IL5RA: variants seen among roughly 807,000 people sequenced by gnomAD.
The protein encoded by IL5RA is interleukin 5 receptor subunit alpha.
A neutral mutation model predicts 50.0 loss-of-function variants in IL5RA; 49 were observed. The ratio of observed to expected loss-of-function variants is 0.98; its 90% CI spans 0.78 to 1.24. IL5RA has a LOEUF of 1.24. IL5RA is among the 50% of genes most tolerant of loss of function. The pLI, the probability that IL5RA is intolerant of heterozygous loss-of-function variation, is 0.00. For missense variants in IL5RA, 600 were observed against 500.4 expected, an observed-to-expected ratio of 1.20 and a Z score of -1.90; for synonymous variants, 202 against 174.0, an observed-to-expected ratio of 1.16 and a Z score of -1.26.
At chr3:3,099,870 A>G (rs1575005192) in intron 5 of IL5RA, among the ~76,000 whole-genome samples, 1 of 151,798 alleles carries the variant, frequency 6.6e-6, no homozygotes, top group Non-Finnish European at 1.5e-5. Context: ...GGGTTTCACC[A>G]TGTTGGCCAG....
In IL5RA at chr3:3,067,928, CAGT is replaced by C. The variant is rs1284210763; in HGVS notation, c.*2294_*2296del. 1 of 152,218 alleles carries C rather than the reference CAGT, an allele frequency of 6.6e-6. No homozygotes were observed. The highest frequency in any genetic ancestry group is 1.5e-5 in the Non-Finnish European group (1 of 68,062). The allele number at this position is 152,218 out of a possible 1,614,324, so 9.4% of individuals were successfully genotyped here. On this transcript the variant is annotated 3_prime_UTR_variant, in exon 12 of 12. Coordinates refer to ENST00000446632, the MANE Select transcript of IL5RA (RefSeq NM_175726.4). ...TCTGTTCCTGCCTCCTAAGCAGAGG[CAGT>C]TTCCACAATGCCAACTGTCTGGGTT...
intron 9 of IL5RA, among the ~76,000 whole-genome samples, chr3:3,084,428 T>G (rs1702780448): frequency 6.6e-6 from 1 of 152,224 alleles, no homozygotes; most frequent in Non-Finnish European, 1.5e-5. Flanking sequence ...GGTATGGGTA[T>G]TCCTACCCTT....
At chr3:3,096,278 C>CAAAA (rs1553752099) in intron 7 of IL5RA, among the ~76,000 whole-genome samples, 1 of 108,472 alleles carries the variant, frequency 9.2e-6, no homozygotes, top group East Asian at 2.6e-4. Flanking sequence ...AAATCTGTCT[C>CAAAA]AAAAAAAAAA....
At position 3,067,368 on chromosome 3, in the gene IL5RA, C is replaced by G. The variant is rs564146193; in HGVS notation, c.*2857G>C. ...TTCAGTCTAACCTATATACAAGGTG[C>G]CGTATCAGGGCTGACAGAGGGTTTA... On this transcript the variant is annotated 3_prime_UTR_variant, in exon 12 of 12. Transcript: ENST00000446632. The G allele has an allele frequency of 2.0e-5, 3 of 152,268 alleles. No individual in the cohort carries two copies. The highest frequency in any genetic ancestry group is 4.1e-4 in the South Asian group (2 of 4,822). The allele number at this position is 152,268 out of a possible 1,614,324, so 9.4% of individuals were successfully genotyped here.
At position 3,070,117 on chromosome 3, in the gene IL5RA, A is replaced by G; in HGVS notation, c.*108T>C. On this transcript the variant is annotated 3_prime_UTR_variant, in exon 12 of 12. Transcript: ENST00000446632. ...GGTGTATTGCTTCGCAGGTAAATTG[A>G]GTGTTGCCTAAATTCTGAACACCTC... is the stretch of plus-strand genomic sequence containing the variant. 1 of 699,244 alleles carries G rather than the reference A, an allele frequency of 1.4e-6. No individual in the cohort carries two copies. Among genetic ancestry groups the G allele is most frequent in the Non-Finnish European group, 2.5e-6 (1 of 394,894 alleles). 43.3% of individuals were successfully genotyped at this position (699,244 alleles called of 1,614,324 possible).
At chr3:3,088,527 C>G (rs1702964659) in intron 9 of IL5RA, among the ~76,000 whole-genome samples, 2 of 152,236 alleles carry the variant, frequency 1.3e-5, no homozygotes, top group Admixed American at 6.5e-5. Flanking sequence ...TTTGTCATCT[C>G]TAGCTTATAA....
chr3:3,107,943 T>A (rs894359586), intron 2 of IL5RA, among the ~76,000 whole-genome samples: 1 of 152,188 alleles, frequency 6.6e-6, no homozygotes, highest in Non-Finnish European at 1.5e-5. Flanking sequence ...TTTTCCCAAC[T>A]TATTTTTCTG....
chr3:3,089,600 C>T (rs1367393308), intron 9 of IL5RA, among the ~76,000 whole-genome samples: 1 of 152,008 alleles, frequency 6.6e-6, no homozygotes, highest in African/African-American at 2.4e-5. Flanking sequence ...AGATGGCATC[C>T]ACATGCTTGA....
At chr3:3,101,399 G>A (rs1367043666) in intron 5 of IL5RA, among the ~76,000 whole-genome samples, 3 of 152,180 alleles carry the variant, frequency 2.0e-5, no homozygotes, top group East Asian at 3.8e-4. Context: ...TGTTGTGTGT[G>A]CACTTAAGTG....
In IL5RA at chr3:3,077,356, G is replaced by A. The variant is rs577465812; in HGVS notation, c.995-729C>T. On this transcript the variant is annotated intron_variant, in intron 9 of 11. Coordinates refer to ENST00000446632, the MANE Select transcript of IL5RA (RefSeq NM_175726.4). ...TAGGGTACATGTGCACAACGTGCAG[G>A]TTTGTTACATATGTATAAACGTGCC... 3.3e-5 allele frequency among the ~76,000 whole-genome samples: 5 copies of A among 152,240 alleles called. No individual in the cohort carries two copies. The South Asian group carries it at 1.0e-3, about 32-fold the overall frequency.
chr3:3,087,226 T>C (rs1432189649), intron 9 of IL5RA, among the ~76,000 whole-genome samples: 3 of 152,216 alleles, frequency 2.0e-5, no homozygotes, highest in Middle Eastern at 3.4e-3. Context: ...AATAAAACAA[T>C]TGTTTTTAAT....
At chr3:3,074,715 G>A (rs1413341413) in intron 11 of IL5RA, 67 bp downstream of exon 11, 19 of 900,188 alleles carry the variant, frequency 2.1e-5, no homozygotes, top group South Asian at 1.5e-4. Context: ...ACTAAGAACC[G>A]AATGACAGCT....
intron 2 of IL5RA, chr3:3,105,624 T>TCCTCC (rs1703876921): frequency 7.2e-6 from 1 of 139,754 alleles, no homozygotes; most frequent in African/African-American, 2.7e-5. Flanking sequence ...TTTGTTTTGT[T>TCCTCC]CCCCCCCCCA....
At chr3:3,088,331 C>T (rs1375565721) in intron 9 of IL5RA, among the ~76,000 whole-genome samples, 1 of 152,046 alleles carries the variant, frequency 6.6e-6, no homozygotes, top group East Asian at 1.9e-4. Context: ...GGATGCTAAG[C>T]CCAGAGAGGT....
Position 3,092,842 on chromosome 3 carries a change from G to A in IL5RA, c.856-480C>T, listed in dbSNP as rs953880142. Among the ~76,000 whole-genome samples the A allele has an allele frequency of 1.3e-5, 2 of 152,166 alleles. No individual in the cohort carries two copies. Among genetic ancestry groups the A allele is most frequent in the African/African-American group, 4.8e-5 (2 of 41,444 alleles). On this transcript the variant is annotated intron_variant, in intron 8 of 11. Coordinates refer to ENST00000446632, the MANE Select transcript of IL5RA (RefSeq NM_175726.4). This position sits in a 1 kb window ranked among gnomAD's most constrained non-coding sequence, Gnocchi z 4.2. ...ACCATCCAGCTAGTCCCCTGTACCA[G>A]AGATGTGCTCCTGACACCTGTATCT... is the stretch of plus-strand genomic sequence containing the variant.
rs1041330518 is a variant in IL5RA, at chr3:3,069,574, A to C, written c.*651T>G. ...ATATATTAGCTCTATTATGCTTTTA[A>C]ATTAGTTGGTTTCAAATGATGTATC... On this transcript the variant is annotated 3_prime_UTR_variant, in exon 12 of 12. Transcript: ENST00000446632. 5.9e-5 allele frequency: 9 copies of C among 151,346 alleles called. No homozygotes were observed. The highest frequency in any genetic ancestry group is 2.2e-4 in the African/African-American group (9 of 41,050). The allele number at this position is 151,346 out of a possible 1,614,324, so 9.4% of individuals were successfully genotyped here.
At chr3:3,074,947 G>T in intron 10 of IL5RA, 81 bp from the exon 11 acceptor site, 1 of 846,794 alleles carries the variant, frequency 1.2e-6, no homozygotes, top group Non-Finnish European at 2.0e-6. Flanking sequence ...AATTGACCTG[G>T]TTGATTCTAG....
Position 3,083,955 on chromosome 3 carries a change from A to T in IL5RA, c.995-7328T>A, listed in dbSNP as rs150655751. On this transcript the variant is annotated intron_variant, in intron 9 of 11. Coordinates refer to ENST00000446632, the MANE Select transcript of IL5RA (RefSeq NM_175726.4). ...AGCTACTCCGGTGGCTGAGGCAGGA[A>T]AATTGCTTGAACCCCCATGGGAGGT... Among the ~76,000 whole-genome samples, 513 of 151,882 alleles carry T rather than the reference A, an allele frequency of 3.4e-3. 4 individuals are homozygous for T. Among genetic ancestry groups the T allele is most frequent in the African/African-American group, 0.011 (473 of 41,428 alleles).
chr3:3,103,521 A>C (rs1703755383), intron 3 of IL5RA, among the ~76,000 whole-genome samples: 1 of 152,246 alleles, frequency 6.6e-6, no homozygotes, highest in South Asian at 2.1e-4. Context: ...ATAATGTAAA[A>C]ATGTATTTAC....
Sources: gnomAD v4.1 joint callset for allele counts (sites outside exome capture counted in the v4.1 genomes callset) on GRCh38, gnomAD v4.1.1 for gene constraint, Gnocchi (gnomAD v3.1) non-coding constraint, MANE v1.5 for transcripts, NCBI Gene and HGNC (gene_info 2026-07-23, HGNC 2026-07-21) for gene names.